DPH1: variants seen among roughly 807,000 people sequenced by gnomAD.
DPH1 encodes the protein 2-(3-amino-3-carboxypropyl)histidine synthase subunit 1.
In DPH1, 59 loss-of-function variants were observed where a neutral mutation model predicts 55.3. The ratio of observed to expected loss-of-function variants is 1.07; its 90% CI spans 0.87 to 1.33. DPH1 has a LOEUF of 1.33. DPH1 is among the 40% of genes most tolerant of loss of function. The pLI is 0.00. For missense variants in DPH1, 628 were observed against 584.8 expected (o/e 1.07, Z -0.76); for synonymous variants, 238 against 235.5 (o/e 1.01, Z -0.10).
At chr17:2,041,070 C>T in intron 9 of DPH1, 33 bp from the exon 10 acceptor site, 1 of 1,576,914 alleles carries the variant, frequency 6.3e-7, no homozygotes, top group Non-Finnish European at 8.6e-7. Context: ...CGAGGAGGCC[C>T]TTCCTAGGGT....
Position 2,042,908 on chromosome 17 carries a change from T to A in DPH1, c.*322T>A. 1 of 1,614,210 alleles carries A rather than the reference T, an allele frequency of 6.2e-7. No individual in the cohort carries two copies. The highest frequency in any genetic ancestry group is 8.5e-7 in the Non-Finnish European group (1 of 1,180,042). ...GGCATTGGGTTCAAGGAATCCATCCTGCAAAGGCCCTTGTCATTGCCTTCG... is the reference window on the plus strand; with the variant it reads ...GGCATTGGGTTCAAGGAATCCATCCAGCAAAGGCCCTTGTCATTGCCTTCG... On this transcript the variant is annotated 3_prime_UTR_variant, in exon 13 of 13. Coordinates refer to ENST00000263083, the MANE Select transcript of DPH1 (RefSeq NM_001383.6).
chr17:2,033,772 C>T lies in DPH1; in HGVS notation c.215-7C>T, dbSNP rs1192544172. The T allele has an allele frequency of 1.9e-6, 3 of 1,614,248 alleles. No individual in the cohort carries two copies. In the South Asian group the frequency reaches 3.3e-5, roughly 18 times the overall value. ...CTCCACCTCTCATGTCTCTGCTCGT[C>T]TTGCAGTGGCCTTGCAAATGCCGGA... is the stretch of plus-strand genomic sequence containing the variant. On this transcript the variant is annotated splice_polypyrimidine_tract_variant and splice_region_variant and intron_variant, in intron 2 of 12. Transcript: ENST00000263083.
At position 2,043,431 on chromosome 17, in the gene DPH1, A is replaced by C. The variant is rs763870832; in HGVS notation, c.*845A>C. On this transcript the variant is annotated 3_prime_UTR_variant, in exon 13 of 13. Coordinates refer to ENST00000263083, the MANE Select transcript of DPH1 (RefSeq NM_001383.6). ...TAATAAAGTGGTGATTTGGATTTTG[A>C]GCATCTTTTTCCTGGTACACACAGA... is the stretch of plus-strand genomic sequence containing the variant. 3 of 281,566 alleles carry C rather than the reference A, an allele frequency of 1.1e-5. No homozygotes were observed. Among genetic ancestry groups the C allele is most frequent in the Non-Finnish European group, 2.0e-5 (3 of 149,704 alleles). 17.4% of individuals were successfully genotyped at this position (281,566 alleles called of 1,614,324 possible). A position where few individuals can be genotyped will look rare whatever the true frequency, so the allele number is the denominator to read the frequency against.
At chr17:2,035,241 C>A (rs889768772) in intron 3 of DPH1, among the ~76,000 whole-genome samples, 1 of 152,000 alleles carries the variant, frequency 6.6e-6, no homozygotes, top group Admixed American at 6.5e-5. Flanking sequence ...GTCTTCCCCA[C>A]CCACCCCCTC....
chr17:2,042,137 GA>G, intron 12 of DPH1: 1 of 1,547,852 alleles, frequency 6.5e-7, no homozygotes. Flanking sequence ...GGGCGCTGAG[GA>G]AGGCGCTGCG....
intron 3 of DPH1, among the ~76,000 whole-genome samples, chr17:2,034,526 C>T (rs1436068929): frequency 2.0e-5 from 2 of 100,178 alleles, no homozygotes; most frequent in South Asian, 4.7e-4. Context: ...CTCCCCTGCT[C>T]CCCCATCCCC....
In DPH1 at chr17:2,037,573, C is replaced by T. The variant is rs929479966; in HGVS notation, c.680+617C>T. Among the ~76,000 whole-genome samples the T allele has an allele frequency of 3.3e-5, 5 of 152,306 alleles. No homozygotes were observed. The South Asian group carries it at 8.3e-4, about 25-fold the overall frequency. On this transcript the variant is annotated intron_variant, in intron 6 of 12. Coordinates refer to ENST00000263083, the MANE Select transcript of DPH1 (RefSeq NM_001383.6). Reference sequence around the variant, plus strand: ...AGCCCAGATCTGGCAGCCCTGCTCCCCGAGCAGCACTGAGTGGCATTCCCC... The same window carrying T: ...AGCCCAGATCTGGCAGCCCTGCTCCTCGAGCAGCACTGAGTGGCATTCCCC...
In DPH1 at chr17:2,033,251, G is replaced by C. The variant is rs917225044; in HGVS notation, c.62-254G>C. ...CAAGGTGTTATGTGTAGTTTCTATA[G>C]GGAACCAGGCATCTCGTGACTCTGA... On this transcript the variant is annotated intron_variant, in intron 1 of 12. Coordinates refer to ENST00000263083, the MANE Select transcript of DPH1 (RefSeq NM_001383.6). 8.7e-6 allele frequency: 5 copies of C among 575,072 alleles called. No individual in the cohort carries two copies. The African/African-American group carries it at 9.4e-5, about 11-fold the overall frequency. 35.6% of individuals were successfully genotyped at this position (575,072 alleles called of 1,614,324 possible).
intron 1 of DPH1, among the ~76,000 whole-genome samples, chr17:2,032,154 C>T (rs765719054): frequency 1.5e-4 from 23 of 152,156 alleles, no homozygotes; most frequent in Non-Finnish European, 3.1e-4. Context: ...TCATGTTTAA[C>T]GGTTTGCTTA....
In DPH1 at chr17:2,041,884, C is replaced by T. The variant is rs943095446; in HGVS notation, c.*18+9C>T. 93 of 1,565,910 alleles carry T rather than the reference C, an allele frequency of 5.9e-5. No homozygotes were observed. Among genetic ancestry groups the T allele is most frequent in the Non-Finnish European group, 7.8e-5 (90 of 1,159,928 alleles). ...GCGCTCCCGGGCCTCAGGTATCAGC[C>T]CCCGCTCTGGGTGCGCCCCGCCTTT... is the stretch of plus-strand genomic sequence containing the variant. On this transcript the variant is annotated intron_variant, in intron 12 of 12. Transcript: ENST00000263083.
At chr17:2,041,406 G>T in intron 10 of DPH1, 75 bp from the exon 11 acceptor site, 2 of 1,551,320 alleles carry the variant, frequency 1.3e-6, no homozygotes, top group South Asian at 1.2e-5. Context: ...ACAGGCCGTC[G>T]TGAGGACTGA....
chr17:2,031,565 CAAA>C (rs56410346), intron 1 of DPH1, among the ~76,000 whole-genome samples: 1 of 69,648 alleles, frequency 1.4e-5, no homozygotes, highest in African/African-American at 5.7e-5. Context: ...GACTCTGTCT[CAAA>C]AAAAAAAAAA....
intron 9 of DPH1, 101 bp from the exon 10 acceptor site, chr17:2,041,002 G>A (rs2067510982): frequency 8.9e-7 from 1 of 1,125,384 alleles, no homozygotes; most frequent in African/African-American, 1.5e-5. Flanking sequence ...CATAAAGCCT[G>A]TTAATGAATG....
chr17:2,036,364 T>A lies in DPH1; in HGVS notation c.401-165T>A. On this transcript the variant is annotated intron_variant, in intron 4 of 12. Coordinates refer to ENST00000263083, the MANE Select transcript of DPH1 (RefSeq NM_001383.6). This position sits in a 1 kb window ranked among gnomAD's most constrained non-coding sequence, Gnocchi z 4.8. ...CCGGCCGGGTGACAGAGAAGTCTGA[T>A]TGAGAAGGAGCTTCTAGGGGATCTG... 2 of 1,101,572 alleles carry A rather than the reference T, an allele frequency of 1.8e-6. No homozygotes were observed. 68.2% of individuals were successfully genotyped at this position (1,101,572 alleles called of 1,614,324 possible).
intron 6 of DPH1, 186 bp downstream of exon 6, chr17:2,037,142 C>A: frequency 1.2e-6 from 1 of 812,408 alleles, no homozygotes; most frequent in Non-Finnish European, 1.8e-6. Flanking sequence ...TCTCCACTGC[C>A]CAGTCCATCA....
At chr17:2,034,496 TCCC>T (rs2067377538) in intron 3 of DPH1, among the ~76,000 whole-genome samples, 1 of 16,574 alleles carries the variant, frequency 6.0e-5, no homozygotes, top group Non-Finnish European at 1.2e-4. Flanking sequence ...TCCCTCCCCC[TCCC>T]CTTCTCCCCC....
At position 2,036,159 on chromosome 17, in the gene DPH1, C is replaced by A; in HGVS notation, c.400+68C>A. On this transcript the variant is annotated intron_variant, in intron 4 of 12. Coordinates refer to ENST00000263083, the MANE Select transcript of DPH1 (RefSeq NM_001383.6). The surrounding 1 kb of genome is among the most constrained non-coding windows in gnomAD (Gnocchi z 4.8). ...GGGAGGCAGGCTGCACATTCATCTT[C>A]CCCATGGCAGTGCCTTCTTGTCCTG... 6.3e-7 allele frequency: 1 copy of A among 1,589,020 alleles called. No homozygotes were observed.
At position 2,036,643 on chromosome 17, in the gene DPH1, C is replaced by T. The variant is rs1016372873; in HGVS notation, c.515C>T (p.Ala172Val). The T allele has an allele frequency of 1.9e-6, 3 of 1,614,044 alleles. No homozygotes were observed. The highest frequency in any genetic ancestry group is 1.3e-5 in the African/African-American group (1 of 74,932). ...SLRLTFPPAT[A>V]LALVSTIQFV... ...CGCCTCACCTTTCCCCCAGCCACTG[C>T]CCTTGCCCTGGTCAGCACCATTCAG... is the stretch of plus-strand genomic sequence containing the variant. Residue 172 changes from alanine (A) to valine (V), a missense_variant, in exon 5 of 13, where the codon GCC (alanine) becomes GTC (valine). Transcript: ENST00000263083. The surrounding 1 kb of genome is among the most constrained non-coding windows in gnomAD (Gnocchi z 4.8).
chr17:2,035,825 T>C, intron 3 of DPH1, 145 bp from the exon 4 acceptor site: 1 of 1,290,242 alleles, frequency 7.8e-7, no homozygotes, highest in South Asian at 1.4e-5. Flanking sequence ...TAATCTTTGT[T>C]GGCAGAAGTG....
Sources: gnomAD v4.1 joint callset for allele counts (sites outside exome capture counted in the v4.1 genomes callset) on GRCh38, gnomAD v4.1.1 for gene constraint, Gnocchi (gnomAD v3.1) non-coding constraint, MANE v1.5 for transcripts, NCBI Gene and HGNC (gene_info 2026-07-23, HGNC 2026-07-21) for gene names.